The following CSMD1 variants were observed in gnomAD, a reference collection of about 807,000 sequenced individuals.
The protein encoded by CSMD1 is CUB and sushi domain-containing protein 1.
Under a neutral mutation model 417.5 loss-of-function variants are expected in CSMD1, and 213 were observed. The ratio of observed to expected loss-of-function variants is 0.51; its 90% CI spans 0.46 to 0.57. The LOEUF (loss-of-function observed/expected upper bound fraction) is 0.57, where lower values mean the gene tolerates loss of function less well. Ranked by LOEUF, CSMD1 falls within the 20% of genes least tolerant of loss-of-function variation. The pLI, the probability that CSMD1 is intolerant of heterozygous loss-of-function variation, is 0.00. For synonymous variants in CSMD1, 2,862 were observed against 1,736.8 expected, an observed-to-expected ratio of 1.65 and a Z score of -16.11; for missense variants, 6,923 against 4,529.7, an observed-to-expected ratio of 1.53 and a Z score of -15.17.
At chr8:3,850,156 G>T (rs1455675902) in intron 5 of CSMD1, among the ~76,000 whole-genome samples, 1 of 152,198 alleles carries the variant, frequency 6.6e-6, no homozygotes, top group Non-Finnish European at 1.5e-5. Context: ...TATCCCTTAT[G>T]AATTTCAAGT....
chr8:4,943,651 A>C (rs1808175232), intron 1 of CSMD1, among the ~76,000 whole-genome samples: 1 of 152,228 alleles, frequency 6.6e-6, no homozygotes, highest in Non-Finnish European at 1.5e-5. Flanking sequence ...ATGTTGTCCA[A>C]GTTATCCTAT....
At chr8:3,016,210 G>A (rs1433485701) in intron 52 of CSMD1, among the ~76,000 whole-genome samples, 2 of 152,122 alleles carry the variant, frequency 1.3e-5, no homozygotes, top group Admixed American at 1.3e-4. Flanking sequence ...ATGGCACCTA[G>A]TTGATATTTG....
At chr8:4,639,963 C>G (rs1803092571) in intron 1 of CSMD1, among the ~76,000 whole-genome samples, 1 of 152,102 alleles carries the variant, frequency 6.6e-6, no homozygotes, top group South Asian at 2.1e-4. Flanking sequence ...AAGAAAATAG[C>G]TTGTCTGCTT....
chr8:4,201,478 C>T (rs941268365), intron 3 of CSMD1, among the ~76,000 whole-genome samples: 1 of 124,936 alleles, frequency 8.0e-6, no homozygotes, highest in Non-Finnish European at 1.6e-5. Flanking sequence ...GCGGAGCTTG[C>T]AGTGAGCCGA....
chr8:3,400,578 CATAT>C (rs1811977408), intron 15 of CSMD1, among the ~76,000 whole-genome samples: 3 of 151,874 alleles, frequency 2.0e-5, no homozygotes, highest in Admixed American at 1.3e-4. Context: ...ACTGCATGAC[CATAT>C]ATTGGAATGT....
chr8:4,527,642 T>C (rs1336849195), intron 2 of CSMD1, among the ~76,000 whole-genome samples: 1 of 152,204 alleles, frequency 6.6e-6, no homozygotes, highest in African/African-American at 2.4e-5. Flanking sequence ...GAACTATAGA[T>C]AAAATTTGAA....
At chr8:3,328,734 A>G (rs1300879583) in intron 23 of CSMD1, among the ~76,000 whole-genome samples, 1 of 152,252 alleles carries the variant, frequency 6.6e-6, no homozygotes, top group Non-Finnish European at 1.5e-5. Flanking sequence ...ACAGTAATAA[A>G]AAACAAAGAG....
At chr8:2,972,396 T>C (rs1411890480) in intron 57 of CSMD1, among the ~76,000 whole-genome samples, 6 of 152,320 alleles carry the variant, frequency 3.9e-5, no homozygotes, top group Middle Eastern at 3.4e-3. Flanking sequence ...AAAATTTAAT[T>C]GAGGAGTTTG....
intron 10 of CSMD1, among the ~76,000 whole-genome samples, chr8:3,550,853 T>C (rs1798879135): frequency 1.3e-5 from 2 of 152,190 alleles, no homozygotes; most frequent in Non-Finnish European, 2.9e-5. Context: ...AAATAGGGTG[T>C]ATGCAATATG....
chr8:4,346,705 G>C (rs1800796676), intron 3 of CSMD1, among the ~76,000 whole-genome samples: 1 of 151,974 alleles, frequency 6.6e-6, no homozygotes, highest in African/African-American at 2.4e-5. Flanking sequence ...AGTCAGAAAT[G>C]TCGTATTATT....
intron 12 of CSMD1, among the ~76,000 whole-genome samples, chr8:3,463,705 G>A (rs761531473): frequency 2.0e-5 from 3 of 152,160 alleles, no homozygotes; most frequent in Non-Finnish European, 2.9e-5. Flanking sequence ...TAGAGAAGAC[G>A]GGCGAGACTG....
intron 2 of CSMD1, among the ~76,000 whole-genome samples, chr8:4,485,040 A>G: frequency 7.0e-6 from 1 of 142,118 alleles, no homozygotes; most frequent in African/African-American, 2.6e-5. Context: ...ACTATGACAT[A>G]TGGCTTTCTT....
At chr8:4,977,956 G>A (rs1402317620) in intron 1 of CSMD1, among the ~76,000 whole-genome samples, 1 of 152,150 alleles carries the variant, frequency 6.6e-6, no homozygotes. Context: ...GTTGCTGAGG[G>A]TCCTGCACAG....
At chr8:3,731,662 C>T (rs568572076) in intron 6 of CSMD1, among the ~76,000 whole-genome samples, 1 of 152,138 alleles carries the variant, frequency 6.6e-6, no homozygotes, top group African/African-American at 2.4e-5. Context: ...ATGCTCGGTA[C>T]TGGGAGGTCA....
At chr8:3,129,798 G>A (rs1817695774) in intron 41 of CSMD1, among the ~76,000 whole-genome samples, 1 of 152,080 alleles carries the variant, frequency 6.6e-6, no homozygotes, top group African/African-American at 2.4e-5. Context: ...AGACCAGCCT[G>A]CCCAAGATGG....
At chr8:3,993,275 G>A (rs945965916) in intron 5 of CSMD1, among the ~76,000 whole-genome samples, 1 of 152,178 alleles carries the variant, frequency 6.6e-6, no homozygotes, top group Non-Finnish European at 1.5e-5. Context: ...AGAACATGAT[G>A]CCTCCTTCCT....
intron 6 of CSMD1, among the ~76,000 whole-genome samples, chr8:3,713,222 T>C (rs1163602498): frequency 6.6e-6 from 1 of 152,222 alleles, no homozygotes. Flanking sequence ...ACTTTAGTTT[T>C]CCTTTTTTCT....
chr8:4,453,665 C>A (rs1216332290), intron 2 of CSMD1, among the ~76,000 whole-genome samples: 1 of 152,168 alleles, frequency 6.6e-6, no homozygotes, highest in East Asian at 1.9e-4. Flanking sequence ...CCGACACCTG[C>A]AGGTCCCGCA....
At chr8:4,138,383 G>A (rs73176381) in intron 3 of CSMD1, among the ~76,000 whole-genome samples, 16 of 151,440 alleles carry the variant, frequency 1.1e-4, no homozygotes, top group African/African-American at 2.4e-4. Flanking sequence ...ACCTGCTCTG[G>A]CACTTTGCCT....
Sources: allele counts gnomAD v4.1 joint callset (sites outside exome capture counted in the v4.1 genomes callset), GRCh38; gene constraint gnomAD v4.1.1; transcripts MANE v1.5; gene names NCBI Gene and HGNC (gene_info 2026-07-23, HGNC 2026-07-21).